Variants in PCARE observed in about 807,000 individuals in gnomAD.
The protein encoded by PCARE is uncharacterized protein C2orf71.
Under a neutral mutation model 82.2 loss-of-function variants are expected in PCARE, and 72 were observed. The ratio of observed to expected loss-of-function variants is 0.88; its 90% CI spans 0.72 to 1.07. The LOEUF is 1.07. Among genes scored for constraint, PCARE ranks in the 50% least tolerant of loss-of-function variants. PCARE has a pLI of 0.00. For missense variants in PCARE, 1,768 were observed against 1,592.4 expected, an observed-to-expected ratio of 1.11 and a Z score of -1.88; for synonymous variants, 705 against 634.8, an observed-to-expected ratio of 1.11 and a Z score of -1.66.
chr2:29,064,761 C>A lies in PCARE; in HGVS notation c.*108G>T. ...CACCTTCCAGGCCTTTCCAGGACAC[C>A]TCAGTAGGAGTTTGGTTTGCCCATC... On this transcript the variant is annotated 3_prime_UTR_variant, in exon 2 of 2. Transcript: ENST00000331664. The A allele has an allele frequency of 6.9e-7, 1 of 1,456,870 alleles. No homozygotes were observed. Among genetic ancestry groups the A allele is most frequent in the Non-Finnish European group, 9.4e-7 (1 of 1,063,122 alleles). 90.2% of individuals were successfully genotyped at this position (1,456,870 alleles called of 1,614,324 possible).
intron 1 of PCARE, among the ~76,000 whole-genome samples, chr2:29,068,130 G>T (rs1455050713): frequency 6.6e-6 from 1 of 152,190 alleles, no homozygotes; most frequent in Middle Eastern, 3.2e-3. Context: ...CGGGAGTGAG[G>T]AATAATGCAT....
rs35929540 is a variant in PCARE at position 29,074,202 on chromosome 2, C to T, written c.60G>A (p.Gln20=). The change falls in exon 1 of 2, where the codon CAG becomes CAA. Residue 20 remains glutamine (Q), a synonymous_variant. Transcript: ENST00000331664. ...GAATTGCTTTGGGCTTTTTCAAGAA[C>T]TGAATGCCACTCTTTGCAACGCTGT... The part of the protein sequence containing the change: ...LVNSVAKSGI[Q]FLKKPKAIRP... 319,360 of 1,598,386 alleles carry T rather than the reference C, an allele frequency of 0.2. 34,411 individuals carry two copies. Among genetic ancestry groups the T allele is most frequent in the Non-Finnish European group, 0.23 (267,018 of 1,171,518 alleles).
rs765319521 is a variant in PCARE at position 29,072,123 on chromosome 2, C to A, written c.2139G>T (p.Glu713Asp). Residue 713 changes from glutamate (E) to aspartate (D), a missense_variant, in exon 1 of 2, where the codon GAG becomes GAT. Coordinates refer to ENST00000331664, the MANE Select transcript of PCARE (RefSeq NM_001029883.3). ...PNAIPSGEVS[E>D]AAKATDWNVR... ...CATTCCAGTCTGTGGCCTTGGCAGCCTCACTGACCTCTCCTGATGGGATGG... is the reference window on the plus strand; with the variant it reads ...CATTCCAGTCTGTGGCCTTGGCAGCATCACTGACCTCTCCTGATGGGATGG... 1.9e-6 allele frequency: 3 copies of A among 1,614,122 alleles called. No individual in the cohort carries two copies. In the African/African-American group the frequency reaches 4.0e-5, roughly 22 times the overall value.
At chr2:29,067,504 C>T (rs377253183) in intron 1 of PCARE, among the ~76,000 whole-genome samples, 1 of 152,064 alleles carries the variant, frequency 6.6e-6, no homozygotes, top group Admixed American at 6.6e-5. Flanking sequence ...TTCCACGTGA[C>T]CTTGGGAAGC....
In PCARE at chr2:29,070,949, A is replaced by T; in HGVS notation, c.3313T>A (p.Ser1105Thr). Residue 1105 changes from serine (S) to threonine (T), a missense_variant, in exon 1 of 2, where the codon TCT becomes ACT. Physicochemically the swap from Ser to Thr is moderately conservative, Grantham distance 58. Coordinates refer to ENST00000331664, the MANE Select transcript of PCARE (RefSeq NM_001029883.3). ...PSQEHKETRD[S>T]EDSQAVIAKV... is the part of the protein sequence containing the mutation. ...GCTATGACTGCTTGGCTGTCTTCAG[A>T]GTCTCTTGTTTCCTTGTGCTCCTGA... 6.2e-7 allele frequency: 1 copy of T among 1,607,732 alleles called. No individual in the cohort carries two copies. The highest frequency in any genetic ancestry group is 8.5e-7 in the Non-Finnish European group (1 of 1,179,248).
intron 1 of PCARE, among the ~76,000 whole-genome samples, chr2:29,065,443 GACAACAACA>G (rs556725111): frequency 1.3e-5 from 2 of 152,210 alleles, no homozygotes. Flanking sequence ...TTGAATTAAA[GACAACAACA>G]ACAACAAGGA....
At chr2:29,069,761 TA>T (rs1667441925) in intron 1 of PCARE, among the ~76,000 whole-genome samples, 1 of 152,140 alleles carries the variant, frequency 6.6e-6, no homozygotes, top group South Asian at 2.1e-4. Flanking sequence ...ACGTATTTTT[TA>T]AAAAAATAAT....
rs1572820609 is a variant in PCARE at position 29,062,905 on chromosome 2, A to G, written c.*1964T>C. The G allele has an allele frequency of 6.6e-6, 1 of 152,036 alleles. No individual in the cohort carries two copies. Among genetic ancestry groups the G allele is most frequent in the Non-Finnish European group, 1.5e-5 (1 of 68,028 alleles). 9.4% of individuals were successfully genotyped at this position (152,036 alleles called of 1,614,324 possible). ...CTGGGGAACAGCTTCGTTTCCTCGGACCTCCAGGAATCCTGCCCCTAAATC... is the reference window on the plus strand; with the variant it reads ...CTGGGGAACAGCTTCGTTTCCTCGGGCCTCCAGGAATCCTGCCCCTAAATC... On this transcript the variant is annotated 3_prime_UTR_variant, in exon 2 of 2. Transcript: ENST00000331664.
At position 29,070,796 on chromosome 2, in the gene PCARE, G is replaced by A; in HGVS notation, c.3466C>T (p.Leu1156Phe). 1 of 1,614,122 alleles carries A rather than the reference G, an allele frequency of 6.2e-7. No homozygotes were observed. Among genetic ancestry groups the A allele is most frequent in the Non-Finnish European group, 8.5e-7 (1 of 1,180,032 alleles). The change falls in exon 1 of 2, where the codon CTC becomes TTC. Residue 1156 changes from leucine to phenylalanine, a missense_variant. Coordinates refer to ENST00000331664, the MANE Select transcript of PCARE (RefSeq NM_001029883.3). ...TTCCAGCATTCTGCTGGGTTCCCGA[G>A]AGGGCCCCCAGCCTCTGGCGGCAGC... ...PSLPPEAGGP[L>F]GNPAECWKNS...
Position 29,073,342 on chromosome 2 carries a change from A to C in PCARE, c.920T>G (p.Leu307Trp). 6 of 1,613,902 alleles carry C rather than the reference A, an allele frequency of 3.7e-6. No individual in the cohort carries two copies. The highest frequency in any genetic ancestry group is 4.2e-6 in the Non-Finnish European group (5 of 1,179,994). The change falls in exon 1 of 2, where the codon TTG (leucine) becomes TGG (tryptophan). Residue 307 changes from leucine to tryptophan, a missense_variant. Transcript: ENST00000331664. ...CCTTTTTGTGCTCAGCTTATTTTCC[A>C]AGTGGGTTGCAGTGGAGTGGAGGTA... is the stretch of plus-strand genomic sequence containing the variant. ...SSYLHSTATH[L>W]ENKLSTKRNV...
rs772231812 is a variant in PCARE, at chr2:29,071,235, G to A, written c.3027C>T (p.Arg1009=). Residue 1009 remains arginine (R), a synonymous_variant, in exon 1 of 2, where the codon CGC becomes CGT. Transcript: ENST00000331664. ...THWVPQADKR[R]RSLPSSYRPA... is the part of the protein sequence containing the mutation. ...GTCTGTAAGAGGAGGGAAGGCTCCG[G>A]CGCCTCTTGTCTGCTTGAGGCACCC... 3 of 1,611,736 alleles carry A rather than the reference G, an allele frequency of 1.9e-6. No homozygotes were observed. The highest frequency in any genetic ancestry group is 1.1e-5 in the South Asian group (1 of 90,982).
rs1667541547 is a variant in PCARE at position 29,073,862 on chromosome 2, T to G, written c.400A>C (p.Ser134Arg). The G allele has an allele frequency of 6.2e-7, 1 of 1,614,084 alleles. No individual in the cohort carries two copies. Among genetic ancestry groups the G allele is most frequent in the African/African-American group, 1.3e-5 (1 of 74,922 alleles). ...SQGADFSGDE[S>R]EESSTQDTSK... is the part of the protein sequence containing the mutation. ...GTATCTTGGGTACTACTTTCCTCAC[T>G]CTCATCTCCAGAAAAGTCTGCCCCT... Residue 134 changes from serine (S) to arginine (R), a missense_variant, in exon 1 of 2, where the codon AGT (serine) becomes CGT (arginine). Transcript: ENST00000331664.
rs755160338 is a variant in PCARE, at chr2:29,072,553, CCCTCCT to C, written c.1703_1708del (p.Glu568_Glu569del). ...AGGTCTTGGGGGGACCACTGTCCTC[CCCTCCT>C]CCTCCTCAGACCAGTCCTGGTGCCC... On this transcript the variant is annotated inframe_deletion, in exon 1 of 2. Transcript: ENST00000331664. 1.2e-6 allele frequency: 2 copies of C among 1,614,062 alleles called. No homozygotes were observed. The highest frequency in any genetic ancestry group is 1.7e-5 in the Admixed American group (1 of 60,022).
rs1396413765 is a variant in PCARE, at chr2:29,073,555, A to C, written c.707T>G (p.Ile236Ser). 2.5e-6 allele frequency: 4 copies of C among 1,614,042 alleles called. No homozygotes were observed. ...FEEISQLLGE[I>S]SKDGEVLLQE... ...CAGGAGCACTTCTCCATCCTTGGAG[A>C]TCTCCCCCAACAGCTGGCTGATCTC... The change falls in exon 1 of 2, where the codon ATC becomes AGC. Residue 236 changes from isoleucine (I) to serine (S), a missense_variant. Transcript: ENST00000331664.
rs762062483 is a variant in PCARE at position 29,072,558 on chromosome 2, C to T, written c.1704G>A (p.Glu568=). The change falls in exon 1 of 2, where the codon GAG becomes GAA. Residue 568 remains glutamate, a synonymous_variant. Coordinates refer to ENST00000331664, the MANE Select transcript of PCARE (RefSeq NM_001029883.3). ...PCGHQDWSEE[E]EGRTVVPPRP... ...TTGGGGGGACCACTGTCCTCCCCTC[C>T]TCCTCCTCAGACCAGTCCTGGTGCC... 6.2e-7 allele frequency: 1 copy of T among 1,614,202 alleles called. No individual in the cohort carries two copies. The highest frequency in any genetic ancestry group is 1.7e-5 in the Admixed American group (1 of 60,032).
rs184970341 is a variant in PCARE at position 29,063,856 on chromosome 2, A to G, written c.*1013T>C. 1 of 152,534 alleles carries G rather than the reference A, an allele frequency of 6.6e-6. No homozygotes were observed. The highest frequency in any genetic ancestry group is 1.5e-5 in the Non-Finnish European group (1 of 68,034). 9.4% of individuals were successfully genotyped at this position (152,534 alleles called of 1,614,324 possible). On this transcript the variant is annotated 3_prime_UTR_variant, in exon 2 of 2. Coordinates refer to ENST00000331664, the MANE Select transcript of PCARE (RefSeq NM_001029883.3). ...AGTTCTGCAAGATGACCTGGGAATAAAGTTGGCCAAGAAGCCTCCGAGGGG... is the reference window on the plus strand; with the variant it reads ...AGTTCTGCAAGATGACCTGGGAATAGAGTTGGCCAAGAAGCCTCCGAGGGG...
In PCARE at chr2:29,070,928, T is replaced by C; in HGVS notation, c.3334A>G (p.Ile1112Val). The change falls in exon 1 of 2, where the codon ATA (isoleucine) becomes GTA (valine). Residue 1112 changes from isoleucine to valine, a missense_variant. Physicochemically the swap from Ile to Val is conservative, Grantham distance 29. Coordinates refer to ENST00000331664, the MANE Select transcript of PCARE (RefSeq NM_001029883.3). ...TRDSEDSQAV[I>V]AKVSGNTHSI... ...TGTGTGTTCCCAGACACTTTGGCTA[T>C]GACTGCTTGGCTGTCTTCAGAGTCT... The C allele has an allele frequency of 1.2e-6, 2 of 1,613,600 alleles. No individual in the cohort carries two copies. Among genetic ancestry groups the C allele is most frequent in the Non-Finnish European group, 1.7e-6 (2 of 1,179,958 alleles).
Position 29,073,054 on chromosome 2 carries a change from C to T in PCARE, c.1208G>A (p.Cys403Tyr). 1 of 1,613,972 alleles carries T rather than the reference C, an allele frequency of 6.2e-7. No homozygotes were observed. The highest frequency in any genetic ancestry group is 8.5e-7 in the Non-Finnish European group (1 of 1,179,876). Reference sequence around the variant, plus strand: ...GTCCTGGGGTCTGCCTGAGCCCAAACAGAATGGACTTTGCTGCCAGGTGTG... The same window carrying T: ...GTCCTGGGGTCTGCCTGAGCCCAAATAGAATGGACTTTGCTGCCAGGTGTG... ...SGHTWQQSPFCLGSGRPQDCL... is the reference protein window; with the variant it reads ...SGHTWQQSPFYLGSGRPQDCL... The change falls in exon 1 of 2, where the codon TGT becomes TAT. Residue 403 changes from cysteine (C) to tyrosine (Y), a missense_variant. Physicochemically the swap from Cys to Tyr is radical, Grantham distance 194 (BLOSUM62 -2). Transcript: ENST00000331664.
At chr2:29,070,444 G>T in intron 1 of PCARE, 150 bp downstream of exon 1, 1 of 954,236 alleles carries the variant, frequency 1.0e-6, no homozygotes, top group Non-Finnish European at 1.6e-6. Context: ...TGGGGGAGCT[G>T]GAACTGCCCC....
Sources: gnomAD v4.1 joint callset for allele counts (sites outside exome capture counted in the v4.1 genomes callset) on GRCh38, gnomAD v4.1.1 for gene constraint, MANE v1.5 for transcripts, NCBI Gene and HGNC (gene_info 2026-07-23, HGNC 2026-07-21) for gene names.